The following LAMB3 variants were observed in gnomAD, a reference collection of about 807,000 sequenced individuals.
LAMB3 encodes the protein laminin subunit beta 3, also known as laminin subunit beta-3.
In LAMB3, 104 loss-of-function variants were observed where a neutral mutation model predicts 140.3. The ratio of observed to expected loss-of-function variants is 0.74; its 90% CI spans 0.63 to 0.87. LAMB3 has a LOEUF of 0.87. Ranked by LOEUF, LAMB3 falls within the 40% of genes least tolerant of loss-of-function variation. LAMB3 has a pLI of 0.00. For missense variants in LAMB3, 1,531 were observed against 1,575.2 expected (o/e 0.97, Z 0.47); for synonymous variants, 592 against 602.9 (o/e 0.98, Z 0.26).
At position 209,625,633 on chromosome 1, in the gene LAMB3, G is replaced by T; in HGVS notation, c.1976+15C>A. The T allele has an allele frequency of 6.2e-7, 1 of 1,614,118 alleles. No individual in the cohort carries two copies. The highest frequency in any genetic ancestry group is 8.5e-7 in the Non-Finnish European group (1 of 1,180,020). Reference sequence around the variant, plus strand: ...GCATAATTCTTGCAAATGCTTGGCAGGGAAAGGGAATTACCTGAGGGAGAG... The same window carrying T: ...GCATAATTCTTGCAAATGCTTGGCATGGAAAGGGAATTACCTGAGGGAGAG... On this transcript the variant is annotated intron_variant, in intron 14 of 22. Transcript: ENST00000356082.
chr1:209,615,792 T>A (rs1665939601), intron 22 of LAMB3, among the ~76,000 whole-genome samples: 1 of 152,220 alleles, frequency 6.6e-6, no homozygotes, highest in Non-Finnish European at 1.5e-5. Context: ...TGAAAGCTAC[T>A]TTCATTATGT....
At position 209,628,175 on chromosome 1, in the gene LAMB3, G is replaced by T; in HGVS notation, c.1148C>A (p.Pro383Gln). The T allele has an allele frequency of 1.3e-6, 2 of 1,561,324 alleles. No homozygotes were observed. The highest frequency in any genetic ancestry group is 1.2e-5 in the South Asian group (1 of 85,112). ...QETCISCECD[P>Q]DGAVPGAPCD... ...GGGAGCCCCTGGCACTGCCCCATCC[G>T]GATCACACTCGCAGGCTGAGAGACA... The change falls in exon 11 of 23, where the codon CCG (proline) becomes CAG (glutamine). Residue 383 changes from proline (P) to glutamine (Q), a missense_variant. Pro to Gln is a moderately conservative substitution (Grantham distance 76). Transcript: ENST00000356082.
At chr1:209,634,949 C>T (rs970865176) in intron 5 of LAMB3, among the ~76,000 whole-genome samples, 1 of 136,872 alleles carries the variant, frequency 7.3e-6, no homozygotes, top group African/African-American at 2.6e-5. Context: ...CTCTCTCTCT[C>T]TCTCTCTCCT....
In LAMB3 at chr1:209,650,019, G is replaced by A. The variant is rs1031886868; in HGVS notation, c.128C>T (p.Ala43Val). The change falls in exon 3 of 23, where the codon GCT becomes GTT. Residue 43 changes from alanine (A) to valine (V), a missense_variant. Ala to Val is a moderately conservative substitution (Grantham distance 64, BLOSUM62 0). Coordinates refer to ENST00000356082, the MANE Select transcript of LAMB3 (RefSeq NM_000228.3). ...CTTGGTCAGTCCACAGGTAGATGAA[G>A]CTCGGAGAAACCGGGTCCTCCCAAC... is the stretch of plus-strand genomic sequence containing the variant. ...LLVGRTRFLR[A>V]SSTCGLTKPE... 3 of 1,614,076 alleles carry A rather than the reference G, an allele frequency of 1.9e-6. No homozygotes were observed. Among genetic ancestry groups the A allele is most frequent in the Admixed American group, 3.3e-5 (2 of 60,006 alleles).
In LAMB3 at chr1:209,650,009, G is replaced by A. The variant is rs2228339; in HGVS notation, c.138C>T (p.Thr46=). 0.25 allele frequency: 410,867 copies of A among 1,613,834 alleles called. 54,518 individuals are homozygous for A. Among genetic ancestry groups the A allele is most frequent in the Admixed American group, 0.42 (25,193 of 60,012 alleles). The change falls in exon 3 of 23, where the codon ACC becomes ACT. Residue 46 remains threonine (T), a synonymous_variant. Transcript: ENST00000356082. ...GRTRFLRASS[T]CGLTKPETYC... Reference sequence around the variant, plus strand: ...AGGTCTCAGGCTTGGTCAGTCCACAGGTAGATGAAGCTCGGAGAAACCGGG... The same window carrying A: ...AGGTCTCAGGCTTGGTCAGTCCACAAGTAGATGAAGCTCGGAGAAACCGGG...
intron 3 of LAMB3, among the ~76,000 whole-genome samples, chr1:209,640,331 C>T (rs752076689): frequency 6.6e-6 from 1 of 152,042 alleles, no homozygotes; most frequent in Non-Finnish European, 1.5e-5. Context: ...AGGCAGATCA[C>T]GAGGTCAGGA....
Position 209,623,825 on chromosome 1 carries a change from T to A in LAMB3, c.2137+15A>T. The A allele has an allele frequency of 6.2e-7, 1 of 1,614,154 alleles. No individual in the cohort carries two copies. Among genetic ancestry groups the A allele is most frequent in the Non-Finnish European group, 8.5e-7 (1 of 1,180,014 alleles). ...GTGCCCATGCCCGGGGTTATCCGGG[T>A]GCCCCTCTCCTCACCTGAAGGATCA... On this transcript the variant is annotated intron_variant, in intron 15 of 22. Coordinates refer to ENST00000356082, the MANE Select transcript of LAMB3 (RefSeq NM_000228.3). This position sits in a 1 kb window ranked among gnomAD's most constrained non-coding sequence, Gnocchi z 4.2.
rs991032203 is a variant in LAMB3, at chr1:209,623,378, G to A, written c.2358+127C>T. The A allele has an allele frequency of 3.5e-5, 37 of 1,071,880 alleles. No homozygotes were observed. The highest frequency in any genetic ancestry group is 4.7e-5 in the African/African-American group (3 of 64,234). 66.4% of individuals were successfully genotyped at this position (1,071,880 alleles called of 1,614,324 possible). ...GCTCACAGTGAGCAGTACAAGGGTCGGGATGGCTGGGGGAGTGGGGTTCTC... is the reference window on the plus strand; with the variant it reads ...GCTCACAGTGAGCAGTACAAGGGTCAGGATGGCTGGGGGAGTGGGGTTCTC... On this transcript the variant is annotated intron_variant, in intron 16 of 22. Transcript: ENST00000356082. This position sits in a 1 kb window ranked among gnomAD's most constrained non-coding sequence, Gnocchi z 4.2.
Position 209,627,368 on chromosome 1 carries a change from A to G in LAMB3, c.1485+15T>C, listed in dbSNP as rs552558055. 1.9e-6 allele frequency: 3 copies of G among 1,604,326 alleles called. No homozygotes were observed. The highest frequency in any genetic ancestry group is 2.6e-6 in the Non-Finnish European group (3 of 1,172,678). ...CTCCCACTGAGGGGGCCCCCGGACCACCCTCACTTCGTACCTGGTTGCACT... is the reference window on the plus strand; with the variant it reads ...CTCCCACTGAGGGGGCCCCCGGACCGCCCTCACTTCGTACCTGGTTGCACT... On this transcript the variant is annotated intron_variant, in intron 12 of 22. Transcript: ENST00000356082.
At chr1:209,651,088 C>T (rs1368693483) in intron 1 of LAMB3, 107 bp from the exon 2 acceptor site, 1 of 793,354 alleles carries the variant, frequency 1.3e-6, no homozygotes, top group Non-Finnish European at 2.3e-6. Flanking sequence ...AAGTCTTTAC[C>T]TAGGGTCCTG....
In LAMB3 at chr1:209,615,120, T is replaced by C. The variant is rs1571792801; in HGVS notation, c.*151A>G. The C allele has an allele frequency of 4.6e-6, 4 of 866,694 alleles. No individual in the cohort carries two copies. In the African/African-American group the frequency reaches 5.0e-5, roughly 11 times the overall value. The allele number at this position is 866,694 out of a possible 1,614,324, so 53.7% of individuals were successfully genotyped here. On this transcript the variant is annotated 3_prime_UTR_variant, in exon 23 of 23. Coordinates refer to ENST00000356082, the MANE Select transcript of LAMB3 (RefSeq NM_000228.3). Reference sequence around the variant, plus strand: ...GCTCAGGCTCAGCTGCAGCTCAGGGTAATCTTACTAGCTACACACCAGGGG... The same window carrying C: ...GCTCAGGCTCAGCTGCAGCTCAGGGCAATCTTACTAGCTACACACCAGGGG...
In LAMB3 at chr1:209,618,650, G is replaced by T. The variant is rs1041494914; in HGVS notation, c.2711C>A (p.Thr904Asn). 7 of 1,556,274 alleles carry T rather than the reference G, an allele frequency of 4.5e-6. No individual in the cohort carries two copies. The African/African-American group carries it at 1.3e-4, about 28-fold the overall frequency. ...GACCTCCTGGATAGTGGCTGCATCA[G>T]TGTCGGGGTCTGGAAGACAACACGC... ...QVRDFLTDPD[T>N]DAATIQEVSE... is the part of the protein sequence containing the mutation. Residue 904 changes from threonine to asparagine, a missense_variant, in exon 19 of 23, where the codon ACT becomes AAT. Physicochemically the swap from Thr to Asn is moderately conservative, Grantham distance 65. Transcript: ENST00000356082.
At chr1:209,651,513 T>G (rs1029580966) in intron 1 of LAMB3, 8 of 160,356 alleles carry the variant, frequency 5.0e-5, no homozygotes, top group African/African-American at 1.9e-4. Context: ...CAGGGCCACT[T>G]TGAGTTTGAG....
In LAMB3 at chr1:209,627,557, C is replaced by T. The variant is rs1286245527; in HGVS notation, c.1311G>A (p.Gly437=). The change falls in exon 12 of 23, where the codon GGG becomes GGA. Residue 437 remains glycine, a synonymous_variant. Transcript: ENST00000356082. The part of the protein sequence containing the change: ...GCHRCDCNIL[G]SRRDMPCDEE... ...CGTCACACGGCATGTCCCTCCGGGA[C>T]CCCAGGATGTTGCAGTCACAGCCTG... The T allele has an allele frequency of 2.5e-6, 4 of 1,614,082 alleles. No individual in the cohort carries two copies. Among genetic ancestry groups the T allele is most frequent in the Admixed American group, 3.3e-5 (2 of 60,034 alleles).
chr1:209,650,131 G>A lies in LAMB3; in HGVS notation c.29-13C>T. On this transcript the variant is annotated splice_polypyrimidine_tract_variant and intron_variant, in intron 2 of 22. Transcript: ENST00000356082. ...AGGCCAGGCAGGGCTGAAATCACAG[G>A]GATGTGTGATGGAGCAGTCCAGAAA... The A allele has an allele frequency of 5.6e-6, 9 of 1,610,468 alleles. No individual in the cohort carries two copies. Among genetic ancestry groups the A allele is most frequent in the Non-Finnish European group, 6.8e-6 (8 of 1,178,616 alleles).
intron 10 of LAMB3, among the ~76,000 whole-genome samples, chr1:209,628,703 A>AAG (rs35325918): frequency 0.025 from 3,667 of 146,414 alleles, 230 homozygotes; most frequent in East Asian, 0.2. Flanking sequence ...TCCATTAAAA[A>AAG]AGAGAGAGAG....
At chr1:209,639,054 A>G (rs1403720949) in intron 3 of LAMB3, among the ~76,000 whole-genome samples, 1 of 152,004 alleles carries the variant, frequency 6.6e-6, no homozygotes, top group East Asian at 1.9e-4. Flanking sequence ...AAAGTTTTAT[A>G]GTTTACCTCA....
At position 209,639,947 on chromosome 1, in the gene LAMB3, A is replaced by G. The variant is rs183026519; in HGVS notation, c.184-1299T>C. On this transcript the variant is annotated intron_variant, in intron 3 of 22. Coordinates refer to ENST00000356082, the MANE Select transcript of LAMB3 (RefSeq NM_000228.3). ...ACCAGAACAAAGAACCGACCCAAAG[A>G]GTCTGAGTGGATATATGGGGCCTAT... Among the ~76,000 whole-genome samples the G allele has an allele frequency of 2.6e-5, 4 of 152,282 alleles. No homozygotes were observed. The East Asian group carries it at 7.7e-4, about 29-fold the overall frequency.
chr1:209,620,358 G>T (rs530702005), intron 18 of LAMB3, among the ~76,000 whole-genome samples: 74 of 152,308 alleles, frequency 4.9e-4, no homozygotes, highest in African/African-American at 1.7e-3. Flanking sequence ...GGGGCCCCCA[G>T]CGCCATCTGA....
Sources: gnomAD v4.1 joint callset for allele counts (sites outside exome capture counted in the v4.1 genomes callset) on GRCh38, gnomAD v4.1.1 for gene constraint, Gnocchi (gnomAD v3.1) non-coding constraint, MANE v1.5 for transcripts, NCBI Gene and HGNC (gene_info 2026-07-23, HGNC 2026-07-21) for gene names.